The following ZNF763 variants were observed in gnomAD, a reference collection of about 807,000 sequenced individuals.
The protein encoded by ZNF763 is zinc finger protein 763.
ZNF763 carries 33 observed loss-of-function variants against 38.0 expected under a neutral mutation model. The observed-to-expected ratio is 0.87, with a 90% confidence interval of 0.66 to 1.16. The LOEUF (loss-of-function observed/expected upper bound fraction) is 1.16. ZNF763 is among the 50% of genes most tolerant of loss of function. The pLI, the probability that ZNF763 is intolerant of heterozygous loss-of-function variation, is 0.00. For synonymous variants in ZNF763, 155 were observed against 160.1 expected, an observed-to-expected ratio of 0.97 and a Z score of 0.24; for missense variants, 423 against 469.1, an observed-to-expected ratio of 0.90 and a Z score of 0.91.
In ZNF763 at chr19:11,979,800, G is replaced by A. The variant is rs998390900; in HGVS notation, c.*691G>A. 1.8e-5 allele frequency: 29 copies of A among 1,575,376 alleles called. No individual in the cohort carries two copies. In the African/African-American group the frequency reaches 3.7e-4, roughly 20 times the overall value. Reference sequence around the variant, plus strand: ...CACACTGGAGAGAAACCCTATGAGTGTAAGGAATGTGGGAAAGCCTTCAGA... The same window carrying A: ...CACACTGGAGAGAAACCCTATGAGTATAAGGAATGTGGGAAAGCCTTCAGA... On this transcript the variant is annotated 3_prime_UTR_variant, in exon 4 of 4. Coordinates refer to ENST00000358987, the MANE Select transcript of ZNF763 (RefSeq NM_001367172.2).
chr19:11,977,503 AAAAC>A, intron 3 of ZNF763, 72 bp downstream of exon 3: 1 of 1,541,718 alleles, frequency 6.5e-7, no homozygotes, highest in Non-Finnish European at 8.9e-7. Flanking sequence ...GAAGAGAAGT[AAAAC>A]AAAGAACTAA....
chr19:11,971,728 T>C (rs1973354620), intron 1 of ZNF763, among the ~76,000 whole-genome samples: 1 of 152,194 alleles, frequency 6.6e-6, no homozygotes, highest in African/African-American at 2.4e-5. Context: ...TCATTTTATA[T>C]CCTTCCTGAG....
rs201675090 is a variant in ZNF763, at chr19:11,978,444, T to C, written c.520T>C (p.Cys174Arg). 8.9e-5 allele frequency: 143 copies of C among 1,614,042 alleles called. No individual in the cohort carries two copies. The highest frequency in any genetic ancestry group is 1.2e-4 in the Non-Finnish European group (139 of 1,180,022). The change falls in exon 4 of 4, where the codon TGT becomes CGT. Residue 174 changes from cysteine (C) to arginine (R), a missense_variant. Physicochemically the swap from Cys to Arg is radical, Grantham distance 180. Coordinates refer to ENST00000358987, the MANE Select transcript of ZNF763 (RefSeq NM_001367172.2). ...TCACACCGGAGAGAAACCCTATGCT[T>C]GTAAAGAATGTGGAAAAACCTTTAT... ...RNHTGEKPYA[C>R]KECGKTFISH...
At chr19:11,965,310 C>T in intron 1 of ZNF763, 99 bp downstream of exon 1, 1 of 1,543,968 alleles carries the variant, frequency 6.5e-7, no homozygotes, top group African/African-American at 1.4e-5. Context: ...GCGGGCGACT[C>T]CAGGGTCTGG....
intron 1 of ZNF763, among the ~76,000 whole-genome samples, chr19:11,967,010 G>A (rs1001060725): frequency 6.6e-6 from 1 of 152,180 alleles, no homozygotes; most frequent in African/African-American, 2.4e-5. Flanking sequence ...TTCAAGACAA[G>A]TCGCAATGTA....
In ZNF763 at chr19:11,965,044, C is replaced by T. The variant is rs1568304138; in HGVS notation, c.-165C>T. The T allele has an allele frequency of 1.2e-6, 1 of 809,246 alleles. No individual in the cohort carries two copies. Among genetic ancestry groups the T allele is most frequent in the Non-Finnish European group, 2.0e-6 (1 of 493,916 alleles). The allele number at this position is 809,246 out of a possible 1,614,324, so 50.1% of individuals were successfully genotyped here. On this transcript the variant is annotated 5_prime_UTR_variant, in exon 1 of 4. Coordinates refer to ENST00000358987, the MANE Select transcript of ZNF763 (RefSeq NM_001367172.2). ...GGCACAGAGTGGGTCGCATTCCTGT[C>T]CTCACCTTTGTCCTTGCGCAGCCGG...
intron 1 of ZNF763, among the ~76,000 whole-genome samples, chr19:11,975,628 C>T (rs1316382209): frequency 4.0e-5 from 6 of 151,556 alleles, no homozygotes; most frequent in South Asian, 4.2e-4. Context: ...GTGATCCGCC[C>T]GCCTCGGCCT....
chr19:11,965,528 T>G (rs1973208927), intron 1 of ZNF763, among the ~76,000 whole-genome samples: 1 of 152,250 alleles, frequency 6.6e-6, no homozygotes, highest in Non-Finnish European at 1.5e-5. Flanking sequence ...GGGGAAATCC[T>G]GACTCGTGTG....
Position 11,977,077 on chromosome 19 carries a change from C to A in ZNF763, c.43C>A (p.Gln15Lys). Residue 15 changes from glutamine to lysine, a missense_variant, in exon 2 of 4, where the codon CAG (glutamine) becomes AAG (lysine). Transcript: ENST00000358987. ...ACEDVAVNFT[Q>K]EEWALLDISQ... ...TGAGGATGTTGCTGTGAACTTCACC[C>A]AGGAGGAGTGGGCTTTGCTGGATAT... The A allele has an allele frequency of 6.2e-7, 1 of 1,614,144 alleles. No individual in the cohort carries two copies. The highest frequency in any genetic ancestry group is 8.5e-7 in the Non-Finnish European group (1 of 1,180,034).
chr19:11,965,551 G>A (rs1037959568), intron 1 of ZNF763, among the ~76,000 whole-genome samples: 1 of 152,252 alleles, frequency 6.6e-6, no homozygotes, highest in Non-Finnish European at 1.5e-5. Context: ...GGGTTCGTGC[G>A]TGGGAGGAGC....
At chr19:11,969,181 T>G (rs1373966180) in intron 1 of ZNF763, among the ~76,000 whole-genome samples, 2 of 152,240 alleles carry the variant, frequency 1.3e-5, no homozygotes, top group Non-Finnish European at 2.9e-5. Context: ...CTCAGCTCAC[T>G]GCAGCCTCTG....
chr19:11,969,478 G>C (rs964754120), intron 1 of ZNF763, among the ~76,000 whole-genome samples: 4 of 152,164 alleles, frequency 2.6e-5, no homozygotes, highest in African/African-American at 7.2e-5. Flanking sequence ...TTGGTGGATT[G>C]TGCCTGATTA....
At chr19:11,967,298 C>T (rs1973252727) in intron 1 of ZNF763, among the ~76,000 whole-genome samples, 1 of 152,170 alleles carries the variant, frequency 6.6e-6, no homozygotes, top group African/African-American at 2.4e-5. Context: ...GGACTCGCCA[C>T]TGCACTCCAG....
intron 1 of ZNF763, among the ~76,000 whole-genome samples, chr19:11,972,572 A>T (rs1444181808): frequency 6.6e-6 from 1 of 152,178 alleles, no homozygotes; most frequent in Non-Finnish European, 1.5e-5. Context: ...CATCCCCATC[A>T]GTATATTTTA....
intron 1 of ZNF763, among the ~76,000 whole-genome samples, chr19:11,968,666 A>G (rs1973288943): frequency 6.6e-6 from 1 of 152,146 alleles, no homozygotes; most frequent in South Asian, 2.1e-4. Flanking sequence ...AGACAACATG[A>G]TAGCCATGGA....
chr19:11,977,264 T>G (rs1973515157), intron 2 of ZNF763, 100 bp downstream of exon 2: 2 of 1,603,206 alleles, frequency 1.2e-6, no homozygotes, highest in Non-Finnish European at 1.7e-6. Flanking sequence ...GGAAATACTT[T>G]GATGAATAAA....
In ZNF763 at chr19:11,978,803, C is replaced by T; in HGVS notation, c.879C>T (p.Phe293=). 6.2e-7 allele frequency: 1 copy of T among 1,614,128 alleles called. No individual in the cohort carries two copies. Among genetic ancestry groups the T allele is most frequent in the Non-Finnish European group, 8.5e-7 (1 of 1,180,004 alleles). The change falls in exon 4 of 4, where the codon TTC becomes TTT. Residue 293 remains phenylalanine, a synonymous_variant. Transcript: ENST00000358987. ...AATGTAAACAATGTGGCAAATCCTT[C>T]AGTTGGTGTCATTCCTTTCAAATAC... ...PYECKQCGKS[F]SWCHSFQIHE...
Position 11,980,191 on chromosome 19 carries a change from TCAATATGATGAAACC to T in ZNF763, c.*1084_*1098del. On this transcript the variant is annotated 3_prime_UTR_variant, in exon 4 of 4. Coordinates refer to ENST00000358987, the MANE Select transcript of ZNF763 (RefSeq NM_001367172.2). Reference sequence around the variant, plus strand: ...GGTCAGGAGTTCAAGACTGGCCTGATCAATATGATGAAACCCCTGTCTCTACTAAAACTACAAAAA... The same window carrying T: ...GGTCAGGAGTTCAAGACTGGCCTGATCCTGTCTCTACTAAAACTACAAAAA... 1.9e-6 allele frequency: 1 copy of T among 520,360 alleles called. No individual in the cohort carries two copies. The highest frequency in any genetic ancestry group is 2.0e-5 in the South Asian group (1 of 51,148). 32.2% of individuals were successfully genotyped at this position (520,360 alleles called of 1,614,324 possible).
At position 11,978,216 on chromosome 19, in the gene ZNF763, A is replaced by T. The variant is rs1325345595; in HGVS notation, c.292A>T (p.Lys98Ter). Residue 98 changes from lysine (K) to a stop codon, truncating the protein, a stop_gained, in exon 4 of 4, where the codon AAA becomes TAA. Transcript: ENST00000358987. LOFTEE classifies it high-confidence loss of function. ...TGACAGGCTGAACTTCCAGGAGAAG[A>T]AAGCTTCTCCTGAAGCAAAATCATG... is the stretch of plus-strand genomic sequence containing the variant. ...PDDRLNFQEK[K>*]ASPEAKSCDN... 1 of 1,613,776 alleles carries T rather than the reference A, an allele frequency of 6.2e-7. No homozygotes were observed. The highest frequency in any genetic ancestry group is 8.5e-7 in the Non-Finnish European group (1 of 1,179,946).
Sources: allele counts gnomAD v4.1 joint callset (sites outside exome capture counted in the v4.1 genomes callset), GRCh38; gene constraint gnomAD v4.1.1; transcripts MANE v1.5; gene names NCBI Gene and HGNC (gene_info 2026-07-23, HGNC 2026-07-21).